Variants in PAPPA2 observed in about 807,000 individuals in gnomAD.
The protein encoded by PAPPA2 is pappalysin 2.
Under a neutral mutation model 176.4 loss-of-function variants are expected in PAPPA2, and 86 were observed. The observed-to-expected ratio is 0.49, with a 90% confidence interval of 0.41 to 0.58. The LOEUF is 0.58. PAPPA2 is among the 20% of genes least tolerant of loss of function. The probability of loss-of-function intolerance (pLI) is 0.00; values close to 1 mark genes in which losing one functional copy is unlikely to be tolerated. For missense variants in PAPPA2, 2,073 were observed against 2,256.9 expected (o/e 0.92, Z 1.65); for synonymous variants, 809 against 852.2 (o/e 0.95, Z 0.88).
At chr1:176,673,889 C>T (rs2102778845) in intron 4 of PAPPA2, among the ~76,000 whole-genome samples, 1 of 152,058 alleles carries the variant, frequency 6.6e-6, no homozygotes, top group East Asian at 1.9e-4. Context: ...AGAGCAGCAG[C>T]CTAGAGCTTG....
At chr1:176,463,735 G>A (rs1441814890) in intron 1 of PAPPA2, among the ~76,000 whole-genome samples, 1 of 152,156 alleles carries the variant, frequency 6.6e-6, no homozygotes, top group Non-Finnish European at 1.5e-5. Flanking sequence ...CTGCTTCTGT[G>A]AGCTGGCAAC....
chr1:176,630,784 A>C (rs1449071611), intron 3 of PAPPA2, among the ~76,000 whole-genome samples: 2 of 152,178 alleles, frequency 1.3e-5, no homozygotes, highest in Non-Finnish European at 2.9e-5. Flanking sequence ...CATCATAAAG[A>C]ATTGATGAGA....
chr1:176,787,244 A>ATT (rs376379704), intron 17 of PAPPA2, among the ~76,000 whole-genome samples: 1 of 146,474 alleles, frequency 6.8e-6, no homozygotes, highest in Non-Finnish European at 1.5e-5. Context: ...TAAAAATCAG[A>ATT]TTTTTTTTTT....
intron 3 of PAPPA2, among the ~76,000 whole-genome samples, chr1:176,647,039 C>T (rs900375644): frequency 1.3e-5 from 2 of 151,522 alleles, no homozygotes; most frequent in Admixed American, 1.3e-4. Flanking sequence ...CTGTATATAA[C>T]AGTTCCCTGT....
At chr1:176,813,538 C>T (rs1002979682) in intron 21 of PAPPA2, among the ~76,000 whole-genome samples, 4 of 152,128 alleles carry the variant, frequency 2.6e-5, no homozygotes, top group Non-Finnish European at 4.4e-5. Context: ...CTCTAATGAT[C>T]GGTGATGTTG....
At chr1:176,512,114 T>C (rs147470047) in intron 1 of PAPPA2, among the ~76,000 whole-genome samples, 2 of 148,204 alleles carry the variant, frequency 1.3e-5, no homozygotes, top group Non-Finnish European at 3.0e-5. Flanking sequence ...TCAGAAGACA[T>C]AAGTGGCCAA....
chr1:176,597,790 G>C (rs1329431726), intron 3 of PAPPA2, among the ~76,000 whole-genome samples: 2 of 152,162 alleles, frequency 1.3e-5, no homozygotes, highest in African/African-American at 4.8e-5. Context: ...GCAACACTTA[G>C]GATCCCCCAG....
chr1:176,753,554 CTTTTT>C (rs77817405), intron 14 of PAPPA2, among the ~76,000 whole-genome samples: 5 of 73,512 alleles, frequency 6.8e-5, no homozygotes, highest in Non-Finnish European at 1.3e-4. Flanking sequence ...AAGGCTCCTC[CTTTTT>C]TTTTTTTTTT....
chr1:176,515,697 A>G (rs761287934), intron 1 of PAPPA2, among the ~76,000 whole-genome samples: 13 of 152,162 alleles, frequency 8.5e-5, no homozygotes, highest in Non-Finnish European at 1.9e-4. Context: ...GAGATGCAGT[A>G]AGCTTCATTT....
rs201513629 is a variant in PAPPA2 at position 176,699,243 on chromosome 1, G to T, written c.2890G>T (p.Asp964Tyr). Residue 964 changes from aspartate (D) to tyrosine (Y), a missense_variant, in exon 8 of 23, where the codon GAC becomes TAC. By Grantham distance (160) the Asp-to-Tyr change is radical. Coordinates refer to ENST00000367662, the MANE Select transcript of PAPPA2 (RefSeq NM_020318.3). The stretch of plus-strand genomic sequence containing the variant: ...GCTCTTCCAACACCCGGTCCAAGCC[G>T]ACACCCTCACCCTGTGGGTCACTTC... ...ELLFQHPVQA[D>Y]TLTLWVTSFF... 6.2e-6 allele frequency: 10 copies of T among 1,613,982 alleles called. No homozygotes were observed. The Admixed American group carries it at 1.0e-4, about 16-fold the overall frequency.
chr1:176,507,494 C>T (rs780622923), intron 1 of PAPPA2, among the ~76,000 whole-genome samples: 12 of 152,086 alleles, frequency 7.9e-5, no homozygotes, highest in Non-Finnish European at 1.5e-4. Flanking sequence ...CTTGTATGTT[C>T]ATCACTGTGT....
intron 1 of PAPPA2, among the ~76,000 whole-genome samples, chr1:176,532,510 AC>A (rs1649868736): frequency 6.6e-6 from 1 of 152,228 alleles, no homozygotes; most frequent in African/African-American, 2.4e-5. Context: ...GGAAAAAGGC[AC>A]CTGCTTAAAC....
At chr1:176,567,612 A>G (rs886756309) in intron 2 of PAPPA2, among the ~76,000 whole-genome samples, 1 of 152,260 alleles carries the variant, frequency 6.6e-6, no homozygotes, top group Admixed American at 6.5e-5. Flanking sequence ...TTGGGGAATC[A>G]AGAACTACTA....
Position 176,557,141 on chromosome 1 carries a change from G to A in PAPPA2, c.819G>A (p.Leu273=). Reference sequence around the variant, plus strand: ...TCTCTGGGAGGCGGGAGCGGCTGCTGCTGCGTCCAGAAGTGCTGGCTGAGA... The same window carrying A: ...TCTCTGGGAGGCGGGAGCGGCTGCTACTGCGTCCAGAAGTGCTGGCTGAGA... ...LYFSGRRERL[L]LRPEVLAEIP... Residue 273 remains leucine, a synonymous_variant, in exon 2 of 23, where the codon CTG becomes CTA. Transcript: ENST00000367662. The A allele has an allele frequency of 6.2e-7, 1 of 1,613,978 alleles. No homozygotes were observed. Among genetic ancestry groups the A allele is most frequent in the South Asian group, 1.1e-5 (1 of 91,056 alleles).
At chr1:176,769,504 TA>T in intron 15 of PAPPA2, 102 bp from the exon 16 acceptor site, 1 of 1,259,870 alleles carries the variant, frequency 7.9e-7, no homozygotes, top group South Asian at 1.3e-5. Flanking sequence ...TGTCCCGTTT[TA>T]AATGTTTAGA....
At chr1:176,586,978 C>T (rs1336461298) in intron 2 of PAPPA2, among the ~76,000 whole-genome samples, 6 of 152,132 alleles carry the variant, frequency 3.9e-5, no homozygotes, top group Admixed American at 3.9e-4. Context: ...TTTTAATAAT[C>T]ACCATTCTAA....
intron 17 of PAPPA2, among the ~76,000 whole-genome samples, chr1:176,780,959 G>GA (rs1329826137): frequency 6.6e-6 from 1 of 152,162 alleles, no homozygotes; most frequent in Non-Finnish European, 1.5e-5. Context: ...TAAATCACAT[G>GA]AAATGGAGAA....
At chr1:176,814,413 T>C (rs1012293803) in intron 21 of PAPPA2, among the ~76,000 whole-genome samples, 4 of 152,236 alleles carry the variant, frequency 2.6e-5, no homozygotes, top group African/African-American at 9.6e-5. Flanking sequence ...TTCCCATCCA[T>C]GAGCATGGAA....
intron 12 of PAPPA2, among the ~76,000 whole-genome samples, chr1:176,717,880 A>G (rs995941986): frequency 6.6e-6 from 1 of 152,226 alleles, no homozygotes; most frequent in South Asian, 2.1e-4. Context: ...TTGGTTTTTC[A>G]TCTACATTCA....
Sources: allele counts gnomAD v4.1 joint callset (sites outside exome capture counted in the v4.1 genomes callset), GRCh38; gene constraint gnomAD v4.1.1; transcripts MANE v1.5; gene names NCBI Gene and HGNC (gene_info 2026-07-23, HGNC 2026-07-21).